The following SHOC2 variants were observed in gnomAD, a reference collection of about 807,000 sequenced individuals.
The protein encoded by SHOC2 is SHOC2 leucine rich repeat scaffold protein.
In SHOC2, 4 loss-of-function variants were observed where a neutral mutation model predicts 50.2. The ratio of observed to expected loss-of-function variants is 0.08; its 90% CI spans 0.04 to 0.18. The LOEUF is 0.18. SHOC2 is among the 10% of genes least tolerant of loss of function. The probability of loss-of-function intolerance (pLI) is 1.00; values close to 1 mark genes in which losing one functional copy is unlikely to be tolerated. For synonymous variants in SHOC2, 218 were observed against 244.5 expected, an observed-to-expected ratio of 0.89 and a Z score of 1.01; for missense variants, 388 against 669.6, an observed-to-expected ratio of 0.58 and a Z score of 4.64.
intron 1 of SHOC2, chr10:110,936,589 CT>C (rs376101415): frequency 0.18 from 74,881 of 420,070 alleles, 2,372 homozygotes; most frequent in African/African-American, 0.31. Context: ...TTTTCTTTTC[CT>C]TTTTTTTTTT....
At position 110,972,167 on chromosome 10, in the gene SHOC2, A is replaced by G. The variant is rs1847795297; in HGVS notation, c.703+7106A>G. Among the ~76,000 whole-genome samples, 3 of 151,050 alleles carry G rather than the reference A, an allele frequency of 2.0e-5. No homozygotes were observed. The South Asian group carries it at 6.2e-4, about 31-fold the overall frequency. On this transcript the variant is annotated intron_variant, in intron 2 of 8. Transcript: ENST00000369452. The stretch of plus-strand genomic sequence containing the variant: ...TTATTACTATAACTTTATAATATAT[A>G]AAAAGTATAGTATTTTCAAGATTTT...
chr10:110,964,448 C>T lies in SHOC2; in HGVS notation c.90C>T (p.Ala30=), dbSNP rs1322113272. 8.1e-6 allele frequency: 13 copies of T among 1,613,822 alleles called. No individual in the cohort carries two copies. The highest frequency in any genetic ancestry group is 1.0e-5 in the Non-Finnish European group (12 of 1,179,964). Residue 30 remains alanine (A), a synonymous_variant, in exon 2 of 9, where the codon GCC becomes GCT. Coordinates refer to ENST00000369452, the MANE Select transcript of SHOC2 (RefSeq NM_007373.4). This position sits in a 1 kb window ranked among gnomAD's most constrained non-coding sequence, Gnocchi z 4.9. The stretch of plus-strand genomic sequence containing the variant: ...AGGAAAGAGAAAAGGAGGCAAAAGC[C>T]TCTGGAGGTTTTGGGAAAGAGAGCA... The part of the protein sequence containing the change: ...SAKEREKEAK[A]SGGFGKESKE...
chr10:110,936,571 G>T, intron 1 of SHOC2: 2 of 566,482 alleles, frequency 3.5e-6, no homozygotes, highest in Non-Finnish European at 6.0e-6. Context: ...TTAGGAAAGG[G>T]CATGTCCTTT....
chr10:110,968,332 G>A (rs1211684737), intron 2 of SHOC2, among the ~76,000 whole-genome samples: 1 of 152,008 alleles, frequency 6.6e-6, no homozygotes, highest in Non-Finnish European at 1.5e-5. Context: ...GAAGTTCTGA[G>A]CTCCTTGGAG....
At chr10:111,006,171 A>G (rs1374299799) in intron 5 of SHOC2, among the ~76,000 whole-genome samples, 1 of 152,240 alleles carries the variant, frequency 6.6e-6, no homozygotes, top group African/African-American at 2.4e-5. Context: ...AAAAATGAAA[A>G]TACTTTATAA....
intron 1 of SHOC2, among the ~76,000 whole-genome samples, chr10:110,942,677 T>C: frequency 6.6e-6 from 1 of 152,226 alleles, no homozygotes; most frequent in Admixed American, 6.5e-5. Flanking sequence ...CTCGGACTCT[T>C]TCATGTATAT....
rs1242610070 is a variant in SHOC2 at position 111,009,259 on chromosome 10, A to G, written c.1296A>G (p.Leu432=). 1.9e-6 allele frequency: 3 copies of G among 1,569,028 alleles called. No homozygotes were observed. In the East Asian group the frequency reaches 6.7e-5, roughly 35 times the overall value. Residue 432 remains leucine (L), a synonymous_variant, in exon 7 of 9, where the codon TTA becomes TTG. Coordinates refer to ENST00000369452, the MANE Select transcript of SHOC2 (RefSeq NM_007373.4). ...SGLVSLEVLI[L]SNNLLKKLPH... The stretch of plus-strand genomic sequence containing the variant: ...TAATTTCTCATTAGGTTCTTATCTT[A>G]TCAAACAATCTTCTAAAGAAGCTTC...
chr10:110,972,051 T>G (rs992906113), intron 2 of SHOC2, among the ~76,000 whole-genome samples: 1 of 151,650 alleles, frequency 6.6e-6, no homozygotes, highest in Non-Finnish European at 1.5e-5. Flanking sequence ...AGTGGTAGGC[T>G]TTCAATAAAT....
rs373181594 is a variant in SHOC2, at chr10:110,981,701, G to T, written c.704-3927G>T. On this transcript the variant is annotated intron_variant, in intron 2 of 8. Transcript: ENST00000369452. Reference sequence around the variant, plus strand: ...GTTTTCCTTGTATGAATCATCAAATGATCTTACTTCTTTAGACTGTTGATA... The same window carrying T: ...GTTTTCCTTGTATGAATCATCAAATTATCTTACTTCTTTAGACTGTTGATA... Among the ~76,000 whole-genome samples, 76 of 152,050 alleles carry T rather than the reference G, an allele frequency of 5.0e-4. No individual in the cohort carries two copies. The South Asian group carries it at 0.015, about 30-fold the overall frequency.
At chr10:110,968,199 C>T (rs1215066718) in intron 2 of SHOC2, among the ~76,000 whole-genome samples, 1 of 152,132 alleles carries the variant, frequency 6.6e-6, no homozygotes, top group Non-Finnish European at 1.5e-5. Flanking sequence ...TTTTGTTTTG[C>T]AGTTCCCTGA....
chr10:110,927,997 CT>C (rs1327335350), intron 1 of SHOC2, among the ~76,000 whole-genome samples: 1 of 152,144 alleles, frequency 6.6e-6, no homozygotes, highest in African/African-American at 2.4e-5. Flanking sequence ...ATACTTAAAG[CT>C]TTTAGTGAAA....
chr10:110,936,135 C>T (rs571287932), intron 1 of SHOC2, among the ~76,000 whole-genome samples: 15 of 135,442 alleles, frequency 1.1e-4, no homozygotes, highest in South Asian at 6.8e-4. Context: ...TCGCTATTGT[C>T]GCCCAGGTTG....
intron 1 of SHOC2, among the ~76,000 whole-genome samples, chr10:110,935,723 AAG>A (rs1473885594): frequency 6.6e-6 from 1 of 152,138 alleles, no homozygotes; most frequent in Non-Finnish European, 1.5e-5. Flanking sequence ...CTAATGGACT[AAG>A]AGATAAGTCA....
At chr10:110,948,672 TC>T (rs1489354117) in intron 1 of SHOC2, among the ~76,000 whole-genome samples, 1 of 152,102 alleles carries the variant, frequency 6.6e-6, no homozygotes, top group East Asian at 1.9e-4. Context: ...AAAAGGTGTC[TC>T]GAGACAAAAG....
At chr10:110,965,263 G>C (rs867068336) in intron 2 of SHOC2, among the ~76,000 whole-genome samples, 17 of 152,106 alleles carry the variant, frequency 1.1e-4, no homozygotes, top group African/African-American at 4.1e-4. Flanking sequence ...TAAAAAGTGA[G>C]TTAGAAAATA....
chr10:110,933,488 C>T (rs1846934987), intron 1 of SHOC2, among the ~76,000 whole-genome samples: 1 of 151,850 alleles, frequency 6.6e-6, no homozygotes, highest in Admixed American at 6.6e-5. Flanking sequence ...CCAAATAAAC[C>T]AATAGGACTA....
At chr10:111,003,053 C>T (rs1848408233) in intron 4 of SHOC2, among the ~76,000 whole-genome samples, 4 of 152,204 alleles carry the variant, frequency 2.6e-5, no homozygotes, top group Admixed American at 2.6e-4. Flanking sequence ...TGTTTTACCT[C>T]TGTTGTTCCT....
At chr10:110,943,343 T>A (rs1241843247) in intron 1 of SHOC2, among the ~76,000 whole-genome samples, 1 of 152,032 alleles carries the variant, frequency 6.6e-6, no homozygotes, top group Non-Finnish European at 1.5e-5. Flanking sequence ...CCTGCTCATA[T>A]CTGCTGTTGA....
intron 2 of SHOC2, among the ~76,000 whole-genome samples, chr10:110,970,511 C>T (rs1847758802): frequency 6.6e-6 from 1 of 152,080 alleles, no homozygotes; most frequent in Non-Finnish European, 1.5e-5. Flanking sequence ...GAAGGTATCT[C>T]TTTGATATGC....
Sources: allele counts gnomAD v4.1 joint callset (sites outside exome capture counted in the v4.1 genomes callset), GRCh38; gene constraint gnomAD v4.1.1; non-coding constraint Gnocchi (gnomAD v3.1); transcripts MANE v1.5; gene names NCBI Gene and HGNC (gene_info 2026-07-23, HGNC 2026-07-21).